The following GSN variants were observed in gnomAD, a reference collection of about 807,000 sequenced individuals.
The protein encoded by GSN is gelsolin.
A neutral mutation model predicts 85.7 loss-of-function variants in GSN; 56 were observed. The observed-to-expected ratio is 0.65, with a 90% CI of 0.53 to 0.82. The LOEUF (loss-of-function observed/expected upper bound fraction) is 0.82. GSN is among the 40% of genes least tolerant of loss of function. The pLI is 0.00. For synonymous variants in GSN, 373 were observed against 399.1 expected (o/e 0.93, Z 0.78); for missense variants, 857 against 979.8 (o/e 0.87, Z 1.67).
At chr9:121,225,979 A>G (rs2054265929) in intron 4 of GSN, among the ~76,000 whole-genome samples, 1 of 152,036 alleles carries the variant, frequency 6.6e-6, no homozygotes, top group African/African-American at 2.4e-5. Flanking sequence ...TAAGTTTTGT[A>G]TTTTTAGTAG....
upstream of GSN, chr9:121,203,338 T>C (rs190132839): frequency 2.0e-5 from 3 of 151,728 alleles, no homozygotes; most frequent in African/African-American, 7.3e-5. Flanking sequence ...AGGTCGGAGA[T>C]GGAGCAGGTC....
chr9:121,233,641 A>G (rs1470289614), intron 5 of GSN, among the ~76,000 whole-genome samples: 1 of 152,260 alleles, frequency 6.6e-6, no homozygotes, highest in South Asian at 2.1e-4. Context: ...ACTCCAAGCA[A>G]GAACCACTGA....
chr9:121,321,198 G>T, intron 10 of GSN, 70 bp from the exon 11 acceptor site: 1 of 1,572,792 alleles, frequency 6.4e-7, no homozygotes, highest in Non-Finnish European at 8.7e-7. Flanking sequence ...CCACACTGCG[G>T]TTTCCTGGCT....
intron 1 of GSN, among the ~76,000 whole-genome samples, chr9:121,272,107 CG>C (rs2056064682): frequency 1.3e-5 from 2 of 152,174 alleles, no homozygotes; most frequent in African/African-American, 4.8e-5. Flanking sequence ...TCGCTTTCAA[CG>C]GAGTGAGCGT....
chr9:121,310,720 C>G lies in GSN; in HGVS notation c.388C>G (p.Pro130Ala), dbSNP rs761433282. Residue 130 changes from proline (P) to alanine (A), a missense_variant, in exon 5 of 18, where the codon CCC (proline) becomes GCC (alanine). Coordinates refer to ENST00000432226, the MANE Select transcript of GSN (RefSeq NM_198252.3). ...GVASGFKHVVPNEVVVQRLFQ... is the reference protein window; with the variant it reads ...GVASGFKHVVANEVVVQRLFQ... ...GGCATCAGGATTCAAGCACGTGGTA[C>G]CCAACGAGGTGGTGGTGCAGAGACT... The G allele has an allele frequency of 1.2e-6, 2 of 1,614,184 alleles. No homozygotes were observed. Among genetic ancestry groups the G allele is most frequent in the African/African-American group, 1.3e-5 (1 of 75,046 alleles).
intron 1 of GSN, among the ~76,000 whole-genome samples, chr9:121,269,176 T>C (rs2055534402): frequency 6.6e-6 from 1 of 152,162 alleles, no homozygotes; most frequent in South Asian, 2.1e-4. Context: ...TGCCTTTCGC[T>C]TTTGTTTGGC....
intron 5 of GSN, among the ~76,000 whole-genome samples, chr9:121,232,146 T>A (rs1384219345): frequency 6.6e-6 from 1 of 152,186 alleles, no homozygotes; most frequent in Non-Finnish European, 1.5e-5. Context: ...ACCAGAAGAT[T>A]TGATAATCCC....
chr9:121,244,163 G>A (rs1175754536), intron 5 of GSN, among the ~76,000 whole-genome samples: 2 of 152,200 alleles, frequency 1.3e-5, no homozygotes, highest in African/African-American at 4.8e-5. Context: ...CCATGTTGTA[G>A]TGGGTCAGAA....
chr9:121,282,259 G>T lies in GSN; in HGVS notation c.-10+697G>T, dbSNP rs991212145. ...CCTACCCACCTAACAAAGCTGCTGT[G>T]TGGACCCAACGAGCTTGTAGATGCC... On this transcript the variant is annotated intron_variant, in intron 2 of 17. Coordinates refer to ENST00000432226, the MANE Select transcript of GSN (RefSeq NM_198252.3). 3 of 596,804 alleles carry T rather than the reference G, an allele frequency of 5.0e-6. No homozygotes were observed. In the African/African-American group the frequency reaches 5.6e-5, roughly 11 times the overall value. The allele number at this position is 596,804 out of a possible 1,614,324, so 37.0% of individuals were successfully genotyped here. A position where few individuals can be genotyped will look rare whatever the true frequency, so the allele number is the denominator to read the frequency against.
chr9:121,278,779 A>T (rs897690230), intron 1 of GSN, among the ~76,000 whole-genome samples: 1 of 152,236 alleles, frequency 6.6e-6, no homozygotes, highest in Non-Finnish European at 1.5e-5. Context: ...AAGGTCCAAA[A>T]TGGAAAACAG....
chr9:121,220,755 T>C (rs2054154999), intron 4 of GSN, among the ~76,000 whole-genome samples: 1 of 152,244 alleles, frequency 6.6e-6, no homozygotes, highest in Non-Finnish European at 1.5e-5. Context: ...AGTTCTCTAA[T>C]GCAATTCCAA....
intron 4 of GSN, among the ~76,000 whole-genome samples, chr9:121,228,238 G>A (rs1435692093): frequency 2.0e-5 from 3 of 151,484 alleles, no homozygotes; most frequent in African/African-American, 4.9e-5. Context: ...CTGCACACCC[G>A]AGGTGCTGCA....
chr9:121,221,127 G>A (rs1170948957), intron 4 of GSN, among the ~76,000 whole-genome samples: 1 of 152,200 alleles, frequency 6.6e-6, no homozygotes, highest in Admixed American at 6.5e-5. Context: ...CCCCGAGGAG[G>A]GGCGCCTCGG....
chr9:121,216,780 G>A (rs924033146), intron 4 of GSN, among the ~76,000 whole-genome samples: 1 of 152,204 alleles, frequency 6.6e-6, no homozygotes, highest in Non-Finnish European at 1.5e-5. Flanking sequence ...TAGTTTGCTA[G>A]GACTGCCGTA....
At chr9:121,235,460 A>G (rs2054474618) in intron 5 of GSN, among the ~76,000 whole-genome samples, 1 of 152,160 alleles carries the variant, frequency 6.6e-6, no homozygotes, top group Admixed American at 6.5e-5. Context: ...CTGGAAGACA[A>G]TTAGGATTCT....
chr9:121,289,550 G>T (rs1305742641), intron 2 of GSN, among the ~76,000 whole-genome samples: 1 of 152,232 alleles, frequency 6.6e-6, no homozygotes, highest in Non-Finnish European at 1.5e-5. Context: ...AGGAGGGGTT[G>T]GATGTGCGGA....
intron 4 of GSN, chr9:121,310,250 T>C (rs2060942916): frequency 3.4e-6 from 1 of 293,650 alleles, no homozygotes; most frequent in Non-Finnish European, 6.6e-6. Flanking sequence ...GCATTCCCTA[T>C]GCTTATTTGA....
At chr9:121,210,552 G>A (rs964022255) in intron 3 of GSN, among the ~76,000 whole-genome samples, 5 of 152,204 alleles carry the variant, frequency 3.3e-5, no homozygotes, top group Non-Finnish European at 7.3e-5. Flanking sequence ...ATATCTGGCT[G>A]ATCTGGGGCC....
chr9:121,328,724 C>A (rs1589240480), intron 14 of GSN, 167 bp from the exon 15 acceptor site: 2 of 734,880 alleles, frequency 2.7e-6, no homozygotes, highest in East Asian at 5.3e-5. Context: ...TCGTCACCTT[C>A]CAATTCCCTC....
Sources: allele counts gnomAD v4.1 joint callset (sites outside exome capture counted in the v4.1 genomes callset), GRCh38; gene constraint gnomAD v4.1.1; transcripts MANE v1.5; gene names NCBI Gene and HGNC (gene_info 2026-07-23, HGNC 2026-07-21).